Variants in GFRA1 observed in about 807,000 individuals in gnomAD.
GFRA1 encodes the protein GDNF family receptor alpha 1, also known as GDNF family receptor alpha-1.
A neutral mutation model predicts 51.6 loss-of-function variants in GFRA1; 16 were observed. The observed-to-expected ratio is 0.31, with a 90% confidence interval of 0.21 to 0.47. The LOEUF (loss-of-function observed/expected upper bound fraction) is 0.47. Among genes scored for constraint, GFRA1 ranks in the 20% least tolerant of loss-of-function variants. The probability of loss-of-function intolerance (pLI) is 1.00; values close to 1 mark genes in which losing one functional copy is unlikely to be tolerated. For missense variants in GFRA1, 530 were observed against 594.3 expected, an observed-to-expected ratio of 0.89 and a Z score of 1.13; for synonymous variants, 270 against 241.3, an observed-to-expected ratio of 1.12 and a Z score of -1.10.
intron 5 of GFRA1, among the ~76,000 whole-genome samples, chr10:116,154,783 T>C (rs989573482): frequency 6.6e-6 from 1 of 152,214 alleles, no homozygotes; most frequent in Non-Finnish European, 1.5e-5. Flanking sequence ...TGCCAGGTCC[T>C]AGGCTGGCAC....
intron 5 of GFRA1, among the ~76,000 whole-genome samples, chr10:116,177,254 G>A (rs115901526): frequency 0.027 from 4,051 of 152,264 alleles, 52 homozygotes; most frequent in African/African-American, 0.04. Context: ...TTAGAAAGGC[G>A]ACCTGAGTGA....
At chr10:116,246,219 C>A (rs1228159712) in intron 4 of GFRA1, among the ~76,000 whole-genome samples, 1 of 152,152 alleles carries the variant, frequency 6.6e-6, no homozygotes, top group East Asian at 1.9e-4. Context: ...CACCTGAGGT[C>A]AGGAGTTCGA....
intron 4 of GFRA1, among the ~76,000 whole-genome samples, chr10:116,225,596 ATT>A (rs201769096): frequency 2.8e-5 from 4 of 141,700 alleles, no homozygotes; most frequent in East Asian, 2.1e-4. Flanking sequence ...TGTGAAACTA[ATT>A]TTTTTTTTTG....
At chr10:116,209,018 C>G (rs1246474426) in intron 5 of GFRA1, among the ~76,000 whole-genome samples, 1 of 152,184 alleles carries the variant, frequency 6.6e-6, no homozygotes, top group African/African-American at 2.4e-5. Context: ...GGCCCCGTGG[C>G]CCTGGAACTC....
chr10:116,233,447 C>T (rs2134580839), intron 4 of GFRA1, among the ~76,000 whole-genome samples: 1 of 152,246 alleles, frequency 6.6e-6, no homozygotes, highest in Middle Eastern at 3.4e-3. Context: ...TAATTCCCAG[C>T]ATCTCAGAGC....
chr10:116,143,383 GTTGGT>G (rs1958657628), intron 5 of GFRA1, among the ~76,000 whole-genome samples: 1 of 151,656 alleles, frequency 6.6e-6, no homozygotes, highest in South Asian at 2.1e-4. Flanking sequence ...TACAGAGGTG[GTTGGT>G]TTAAATAAAA....
At chr10:116,262,749 G>GA (rs1969386817) in intron 4 of GFRA1, among the ~76,000 whole-genome samples, 1 of 152,202 alleles carries the variant, frequency 6.6e-6, no homozygotes, top group Admixed American at 6.5e-5. Context: ...CTGTGAAAGT[G>GA]AAATGTAAGT....
At chr10:116,209,459 C>T (rs1965026418) in intron 5 of GFRA1, among the ~76,000 whole-genome samples, 1 of 152,086 alleles carries the variant, frequency 6.6e-6, no homozygotes. Flanking sequence ...GTTCCCCCAA[C>T]TGCCCATGAC....
In GFRA1 at chr10:116,058,649, A is replaced by G. The variant is rs1436474615; in HGVS notation, c.*5749T>C. 2 of 152,282 alleles carry G rather than the reference A, an allele frequency of 1.3e-5. No individual in the cohort carries two copies. Among genetic ancestry groups the G allele is most frequent in the African/African-American group, 4.8e-5 (2 of 41,470 alleles). 9.4% of individuals were successfully genotyped at this position (152,282 alleles called of 1,614,324 possible). A position where few individuals can be genotyped will look rare whatever the true frequency, so the allele number is the denominator to read the frequency against. ...TCTCCGAAGGACATGAAATGGAAGG[A>G]TTCTGCCAATCTGGAAGGGATGGGT... On this transcript the variant is annotated 3_prime_UTR_variant, in exon 11 of 11. Coordinates refer to ENST00000355422, the MANE Select transcript of GFRA1 (RefSeq NM_005264.8).
chr10:116,252,626 A>C (rs1228904169), intron 4 of GFRA1, among the ~76,000 whole-genome samples: 1 of 152,134 alleles, frequency 6.6e-6, no homozygotes, highest in Non-Finnish European at 1.5e-5. Context: ...GCGCACCCTC[A>C]CCACTTCCGC....
At chr10:116,263,394 A>G (rs969227488) in intron 4 of GFRA1, among the ~76,000 whole-genome samples, 11 of 152,170 alleles carry the variant, frequency 7.2e-5, no homozygotes, top group African/African-American at 2.4e-4. Context: ...AAGAACCTAT[A>G]CAGTAGGCAT....
chr10:116,206,618 TTC>T (rs1964777457), intron 5 of GFRA1, among the ~76,000 whole-genome samples: 1 of 129,170 alleles, frequency 7.7e-6, no homozygotes, highest in East Asian at 2.3e-4. Flanking sequence ...TGAAACCACA[TTC>T]TCTTTTTTTT....
chr10:116,205,221 A>G (rs759254724), intron 5 of GFRA1, among the ~76,000 whole-genome samples: 1 of 152,124 alleles, frequency 6.6e-6, no homozygotes, highest in Non-Finnish European at 1.5e-5. Flanking sequence ...TGTGCAAAAT[A>G]CTTAGCTCAA....
At chr10:116,158,383 T>TA (rs1358813213) in intron 5 of GFRA1, among the ~76,000 whole-genome samples, 1 of 152,214 alleles carries the variant, frequency 6.6e-6, no homozygotes, top group Non-Finnish European at 1.5e-5. Context: ...GCTCAAAAGA[T>TA]ACTTGTTGAG....
At chr10:116,081,993 A>G (rs1461043832) in intron 9 of GFRA1, among the ~76,000 whole-genome samples, 2 of 152,230 alleles carry the variant, frequency 1.3e-5, no homozygotes, top group Non-Finnish European at 2.9e-5. Context: ...GAAGCAAATA[A>G]TAGGATCAGT....
At chr10:116,222,590 G>A (rs1966002295) in intron 4 of GFRA1, among the ~76,000 whole-genome samples, 1 of 152,218 alleles carries the variant, frequency 6.6e-6, no homozygotes, top group South Asian at 2.1e-4. Flanking sequence ...TGGGGCAACA[G>A]TGATATGGGG....
intron 5 of GFRA1, among the ~76,000 whole-genome samples, chr10:116,137,893 C>T (rs1958399516): frequency 6.6e-6 from 1 of 152,120 alleles, no homozygotes; most frequent in Admixed American, 6.5e-5. Context: ...CCTCCACTTC[C>T]AGGGTTCAAG....
chr10:116,117,357 T>A (rs1392320574), intron 6 of GFRA1, among the ~76,000 whole-genome samples: 1 of 152,124 alleles, frequency 6.6e-6, no homozygotes, highest in Admixed American at 6.5e-5. Context: ...CAGGAAGCCT[T>A]GCTAACAGCC....
intron 5 of GFRA1, among the ~76,000 whole-genome samples, chr10:116,126,137 G>T (rs576424765): frequency 6.6e-6 from 1 of 152,220 alleles, no homozygotes; most frequent in African/African-American, 2.4e-5. Flanking sequence ...CTCGCAGGGC[G>T]TTGGAAGAAA....
Sources: allele counts gnomAD v4.1 joint callset (sites outside exome capture counted in the v4.1 genomes callset), GRCh38; gene constraint gnomAD v4.1.1; transcripts MANE v1.5; gene names NCBI Gene and HGNC (gene_info 2026-07-23, HGNC 2026-07-21).